The following BRWD1 variants were observed in gnomAD, a reference collection of about 807,000 sequenced individuals.
The protein encoded by BRWD1 is bromodomain and WD repeat-containing protein 1.
A neutral mutation model predicts 251.2 loss-of-function variants in BRWD1; 82 were observed. The observed-to-expected ratio is 0.33, with a 90% CI of 0.27 to 0.39. The LOEUF is 0.39. BRWD1 is among the 10% of genes least tolerant of loss of function. The pLI, the probability that BRWD1 is intolerant of heterozygous loss-of-function variation, is 1.00. For synonymous variants in BRWD1, 918 were observed against 902.8 expected, an observed-to-expected ratio of 1.02 and a Z score of -0.30; for missense variants, 2,233 against 2,711.6, an observed-to-expected ratio of 0.82 and a Z score of 3.92.
At chr21:39,296,195 G>T (rs1400185482) in intron 6 of BRWD1, 70 bp downstream of exon 6, 2 of 1,260,368 alleles carry the variant, frequency 1.6e-6, no homozygotes, top group Admixed American at 2.5e-5. Context: ...TTTTAATACA[G>T]CATTTATAAA....
chr21:39,225,056 GA>G, intron 28 of BRWD1, 29 bp downstream of exon 28: 1 of 1,416,014 alleles, frequency 7.1e-7, no homozygotes, highest in Non-Finnish European at 1.0e-6. Context: ...GAATTACTGG[GA>G]AATGATTAGT....
chr21:39,231,520 T>C (rs1386615424), intron 25 of BRWD1, among the ~76,000 whole-genome samples: 1 of 152,184 alleles, frequency 6.6e-6, no homozygotes, highest in African/African-American at 2.4e-5. Flanking sequence ...TGAACTACAA[T>C]ACTCATATAT....
intron 8 of BRWD1, 44 bp downstream of exon 8, chr21:39,293,767 G>C: frequency 6.7e-7 from 1 of 1,482,324 alleles, no homozygotes; most frequent in Non-Finnish European, 9.3e-7. Context: ...AAAGAAAAAG[G>C]TGAAAATACA....
chr21:39,288,481 A>G (rs560463793), intron 8 of BRWD1, among the ~76,000 whole-genome samples: 2 of 152,272 alleles, frequency 1.3e-5, no homozygotes, highest in East Asian at 3.9e-4. Flanking sequence ...ATATTCTTAA[A>G]TGTCTATTGT....
chr21:39,291,527 T>G (rs1197647122), intron 8 of BRWD1, among the ~76,000 whole-genome samples: 1 of 152,046 alleles, frequency 6.6e-6, no homozygotes, highest in Non-Finnish European at 1.5e-5. Flanking sequence ...CACCAGACAT[T>G]TTGGTACCAC....
At position 39,229,303 on chromosome 21, in the gene BRWD1, A is replaced by T; in HGVS notation, c.3125+9T>A. 7 of 1,577,598 alleles carry T rather than the reference A, an allele frequency of 4.4e-6. No individual in the cohort carries two copies. Among genetic ancestry groups the T allele is most frequent in the Non-Finnish European group, 6.1e-6 (7 of 1,155,424 alleles). On this transcript the variant is annotated intron_variant, in intron 26 of 40. Coordinates refer to ENST00000342449, the MANE Select transcript of BRWD1 (RefSeq NM_033656.4). ...TTTAAGTAATTCCATTTTAAAAAAT[A>T]ATACATACCTAATAGAGAAAGATTT... is the stretch of plus-strand genomic sequence containing the variant.
At chr21:39,272,306 AAAT>A (rs2035140148) in intron 13 of BRWD1, among the ~76,000 whole-genome samples, 5 of 115,032 alleles carry the variant, frequency 4.3e-5, no homozygotes, top group Non-Finnish European at 7.4e-5. Flanking sequence ...AAACTTAAAT[AAAT>A]AAAAAAAAAA....
In BRWD1 at chr21:39,218,373, C is replaced by G. The variant is rs2033040110; in HGVS notation, c.3539-101G>C. 6.9e-6 allele frequency: 10 copies of G among 1,453,702 alleles called. No individual in the cohort carries two copies. In the South Asian group the frequency reaches 1.1e-4, roughly 16 times the overall value. The allele number at this position is 1,453,702 out of a possible 1,614,324, so 90.1% of individuals were successfully genotyped here. A position where few individuals can be genotyped will look rare whatever the true frequency, so the allele number is the denominator to read the frequency against. On this transcript the variant is annotated intron_variant, in intron 30 of 40. Coordinates refer to ENST00000342449, the MANE Select transcript of BRWD1 (RefSeq NM_033656.4). ...TAAGATATGGCTACATTTAACATTA[C>G]AGGCTAAATTAAAAGATAACCAATA...
chr21:39,313,689 C>G, upstream of BRWD1: 2 of 396,856 alleles, frequency 5.0e-6, no homozygotes, highest in Non-Finnish European at 8.8e-6. Context: ...GAAAAGTAGT[C>G]CCTCCGCGGG....
chr21:39,254,801 T>C (rs974655877), intron 19 of BRWD1, among the ~76,000 whole-genome samples: 6 of 152,188 alleles, frequency 3.9e-5, no homozygotes, highest in Admixed American at 1.3e-4. Context: ...GCTGCTAACA[T>C]CACAAAAACC....
rs1483286425 is a variant in BRWD1, at chr21:39,215,291, C to T, written c.3731G>A (p.Ser1244Asn). 1 of 1,612,764 alleles carries T rather than the reference C, an allele frequency of 6.2e-7. No homozygotes were observed. Among genetic ancestry groups the T allele is most frequent in the Non-Finnish European group, 8.5e-7 (1 of 1,178,832 alleles). ...HNARTFNEPE[S>N]VIARSAKKIT... is the part of the protein sequence containing the mutation. ...CTTTTTAGCTGATCTTGCAATTACA[C>T]TCTCAGGTTCGTTAAATGTTCTGGC... Residue 1244 changes from serine to asparagine, a missense_variant, in exon 32 of 41, where the codon AGT (serine) becomes AAT (asparagine). By Grantham distance (46) the Ser-to-Asn change is conservative. Coordinates refer to ENST00000342449, the MANE Select transcript of BRWD1 (RefSeq NM_033656.4).
Position 39,196,063 on chromosome 21 carries a change from C to A in BRWD1, c.*196G>T. ...CCCCAAAATGAAGCATATTTTGGCA[C>A]CTGTGCTGAATGCTGCTACAAAGAC... On this transcript the variant is annotated 3_prime_UTR_variant, in exon 41 of 41. Coordinates refer to ENST00000342449, the MANE Select transcript of BRWD1 (RefSeq NM_033656.4). The A allele has an allele frequency of 7.7e-7, 1 of 1,302,266 alleles. No homozygotes were observed. The highest frequency in any genetic ancestry group is 9.7e-7 in the Non-Finnish European group (1 of 1,028,464). The allele number at this position is 1,302,266 out of a possible 1,614,324, so 80.7% of individuals were successfully genotyped here.
rs1227154344 is a variant in BRWD1, at chr21:39,232,423, T to C, written c.2842A>G (p.Thr948Ala). 6.3e-7 allele frequency: 1 copy of C among 1,594,364 alleles called. No individual in the cohort carries two copies. The highest frequency in any genetic ancestry group is 8.5e-7 in the Non-Finnish European group (1 of 1,175,596). ...LYEFHPPVWI[T>A]DTTLRKSPFV... ...GGAGATTTTCTAAGTGTGGTGTCAG[T>C]AATCCAAACTGGAGGGTGAAATTCA... Residue 948 changes from threonine (T) to alanine (A), a missense_variant, in exon 24 of 41, where the codon ACT becomes GCT. This residue lies in a region of BRWD1 where 139 missense variants were observed against 272.8 expected (regional missense o/e 0.51). Transcript: ENST00000342449.
intron 22 of BRWD1, among the ~76,000 whole-genome samples, chr21:39,238,161 T>C (rs1009483438): frequency 4.0e-5 from 6 of 151,870 alleles, no homozygotes; most frequent in Non-Finnish European, 8.8e-5. Flanking sequence ...ACACATGCAA[T>C]AATAATGAAT....
In BRWD1 at chr21:39,232,503, C is replaced by A. The variant is rs2836950; in HGVS notation, c.2767-5G>T. On this transcript the variant is annotated splice_polypyrimidine_tract_variant and splice_region_variant and intron_variant, in intron 23 of 40. Coordinates refer to ENST00000342449, the MANE Select transcript of BRWD1 (RefSeq NM_033656.4). ...TGGAGTCATCCTCCGCAAATTCTAC[C>A]AAGGGGAAGAGAACAAAGTTTCTTA... The A allele has an allele frequency of 2.5e-6, 4 of 1,583,792 alleles. No homozygotes were observed. Among genetic ancestry groups the A allele is most frequent in the Admixed American group, 4.1e-5 (2 of 48,884 alleles).
rs2031390014 is a variant in BRWD1 at position 39,188,816 on chromosome 21, A to G, written c.*7443T>C. The G allele has an allele frequency of 1.0e-6, 1 of 985,306 alleles. No homozygotes were observed. The highest frequency in any genetic ancestry group is 1.7e-5 in the African/African-American group (1 of 57,248). 61.0% of individuals were successfully genotyped at this position (985,306 alleles called of 1,614,324 possible). A position where few individuals can be genotyped will look rare whatever the true frequency, so the allele number is the denominator to read the frequency against. On this transcript the variant is annotated 3_prime_UTR_variant, in exon 41 of 41. Coordinates refer to ENST00000342449, the MANE Select transcript of BRWD1 (RefSeq NM_033656.4). ...ATCAGTTCCTTTTGCCAACTAACTT[A>G]TGTGATTCACATGTTTTTCCAGTGA...
chr21:39,236,021 T>C, intron 23 of BRWD1: 1 of 209,224 alleles, frequency 4.8e-6, no homozygotes, highest in Admixed American at 4.3e-5. Flanking sequence ...ACAGGGCCAA[T>C]CTGCCTGCAC....
chr21:39,229,564 A>T, intron 25 of BRWD1, 128 bp from the exon 26 acceptor site: 2 of 794,400 alleles, frequency 2.5e-6, no homozygotes, highest in Non-Finnish European at 4.0e-6. Flanking sequence ...TTTAATTAAT[A>T]CCATTAATTA....
chr21:39,192,404 G>A lies in BRWD1; in HGVS notation c.*3855C>T, dbSNP rs2031598638. On this transcript the variant is annotated 3_prime_UTR_variant, in exon 41 of 41. Coordinates refer to ENST00000342449, the MANE Select transcript of BRWD1 (RefSeq NM_033656.4). ...TCTCTTCCCAAATACTAGGATAAGA[G>A]ACAGTCTCAAACTGTTAAGTTGCAA... 1.0e-6 allele frequency: 1 copy of A among 985,042 alleles called. No homozygotes were observed. The highest frequency in any genetic ancestry group is 1.7e-5 in the African/African-American group (1 of 57,162). 61.0% of individuals were successfully genotyped at this position (985,042 alleles called of 1,614,324 possible).
Sources: allele counts gnomAD v4.1 joint callset (sites outside exome capture counted in the v4.1 genomes callset), GRCh38; gene constraint gnomAD v4.1.1; regional missense constraint gnomAD v4.1.1; transcripts MANE v1.5; gene names NCBI Gene and HGNC (gene_info 2026-07-23, HGNC 2026-07-21).